The following TMCC1 variants were observed in gnomAD, a reference collection of about 807,000 sequenced individuals.
TMCC1 encodes the protein transmembrane and coiled-coil domain family 1, also known as transmembrane and coiled-coil domains protein 1.
A neutral mutation model predicts 52.4 loss-of-function variants in TMCC1; 15 were observed. The ratio of observed to expected loss-of-function variants is 0.29; its 90% CI spans 0.19 to 0.44. TMCC1 has a LOEUF of 0.44. TMCC1 is among the 20% of genes least tolerant of loss of function. The pLI is 1.00. For missense variants in TMCC1, 503 were observed against 806.0 expected (o/e 0.62, Z 4.55); for synonymous variants, 279 against 301.9 (o/e 0.92, Z 0.79).
rs146435902 is a variant in TMCC1, at chr3:129,693,102, T to C, written c.577-21838A>G. Among the ~76,000 whole-genome samples, 718 of 152,246 alleles carry C rather than the reference T, an allele frequency of 4.7e-3. 4 individuals carry two copies. Among genetic ancestry groups the C allele is most frequent in the Admixed American group, 9.4e-3 (143 of 15,292 alleles). The stretch of plus-strand genomic sequence containing the variant: ...AGTGAATTTGATTTGCCTTGTAAAA[T>C]ATACTACTGGGATGTGAAAAGAAGC... On this transcript the variant is annotated intron_variant, in intron 4 of 6. Coordinates refer to ENST00000393238, the MANE Select transcript of TMCC1 (RefSeq NM_001017395.5).
At chr3:129,773,401 G>A (rs2054772229) in intron 4 of TMCC1, among the ~76,000 whole-genome samples, 1 of 152,034 alleles carries the variant, frequency 6.6e-6, no homozygotes, top group African/African-American at 2.4e-5. Flanking sequence ...AAAGCTAGGG[G>A]GAAAAAAAGC....
chr3:129,691,518 T>C (rs1473871412), intron 4 of TMCC1, among the ~76,000 whole-genome samples: 3 of 151,516 alleles, frequency 2.0e-5, no homozygotes, highest in Non-Finnish European at 4.4e-5. Context: ...TGGTGGCTCA[T>C]GCCTGTAATC....
chr3:129,785,865 A>C (rs2055979294), intron 4 of TMCC1, among the ~76,000 whole-genome samples: 1 of 152,068 alleles, frequency 6.6e-6, no homozygotes, highest in African/African-American at 2.4e-5. Context: ...ATCCCAGAGA[A>C]AATGTAAATT....
intron 4 of TMCC1, 130 bp downstream of exon 4, chr3:129,827,673 G>C: frequency 9.1e-7 from 1 of 1,101,554 alleles, no homozygotes; most frequent in Non-Finnish European, 1.3e-6. Flanking sequence ...ATTTGAAAAG[G>C]GGAAAAATTC....
chr3:129,771,081 C>T (rs2054542276), intron 4 of TMCC1, among the ~76,000 whole-genome samples: 2 of 152,176 alleles, frequency 1.3e-5, no homozygotes, highest in Non-Finnish European at 2.9e-5. Flanking sequence ...TCTAATACTT[C>T]CTTATTTCTA....
At chr3:129,761,764 G>A (rs1246160848) in intron 4 of TMCC1, among the ~76,000 whole-genome samples, 1 of 152,112 alleles carries the variant, frequency 6.6e-6, no homozygotes, top group Non-Finnish European at 1.5e-5. Context: ...GCTGAGGCAG[G>A]CGGATCATCT....
At chr3:129,783,313 G>C (rs1051213195) in intron 4 of TMCC1, among the ~76,000 whole-genome samples, 7 of 152,158 alleles carry the variant, frequency 4.6e-5, no homozygotes, top group African/African-American at 1.7e-4. Flanking sequence ...AAATACTGAT[G>C]TTTATGCAGG....
intron 4 of TMCC1, among the ~76,000 whole-genome samples, chr3:129,774,050 T>C (rs764749460): frequency 1.5e-4 from 23 of 152,252 alleles, no homozygotes; most frequent in African/African-American, 5.5e-4. Context: ...ATAACAGTAA[T>C]GAGCATACCT....
At chr3:129,793,160 C>G (rs1375223833) in intron 4 of TMCC1, among the ~76,000 whole-genome samples, 2 of 151,640 alleles carry the variant, frequency 1.3e-5, no homozygotes, top group Non-Finnish European at 2.9e-5. Flanking sequence ...AATGTGGAGG[C>G]CTTCAAACAC....
At chr3:129,858,940 A>T (rs1385493585) in intron 2 of TMCC1, among the ~76,000 whole-genome samples, 3 of 152,212 alleles carry the variant, frequency 2.0e-5, no homozygotes, top group Non-Finnish European at 2.9e-5. Flanking sequence ...TAAATAAGTG[A>T]TTACCTTAGA....
In TMCC1 at chr3:129,684,091, T is replaced by G. The variant is rs150112260; in HGVS notation, c.577-12827A>C. On this transcript the variant is annotated intron_variant, in intron 4 of 6. Coordinates refer to ENST00000393238, the MANE Select transcript of TMCC1 (RefSeq NM_001017395.5). ...AGATCCTGGAAATAAATTAAGGATATCTATGACAAATTGTAAAAAATTGCT... is the reference window on the plus strand; with the variant it reads ...AGATCCTGGAAATAAATTAAGGATAGCTATGACAAATTGTAAAAAATTGCT... 1.1e-3 allele frequency among the ~76,000 whole-genome samples: 166 copies of G among 152,334 alleles called. 1 individual carries two copies. In the East Asian group the frequency reaches 0.023, roughly 21 times the overall value.
At chr3:129,833,166 T>C (rs886130333) in intron 2 of TMCC1, among the ~76,000 whole-genome samples, 2 of 152,156 alleles carry the variant, frequency 1.3e-5, no homozygotes, top group African/African-American at 4.8e-5. Context: ...ATTCTAATCT[T>C]AAAGTAACAT....
At chr3:129,723,368 T>C (rs1399966429) in intron 4 of TMCC1, among the ~76,000 whole-genome samples, 7 of 148,224 alleles carry the variant, frequency 4.7e-5, no homozygotes, top group Admixed American at 1.3e-4. Flanking sequence ...TTCTTTTTTT[T>C]TTTTTTTTTT....
intron 1 of TMCC1, among the ~76,000 whole-genome samples, chr3:129,888,761 AGAG>A (rs1351255671): frequency 1.3e-5 from 2 of 152,196 alleles, no homozygotes; most frequent in East Asian, 3.8e-4. Context: ...AGTAGGAAAG[AGAG>A]GAGGAAAGAG....
chr3:129,746,261 C>T (rs557691258), intron 4 of TMCC1, among the ~76,000 whole-genome samples: 18 of 152,100 alleles, frequency 1.2e-4, no homozygotes, highest in Admixed American at 8.5e-4. Context: ...ACCTCCACCC[C>T]CCAGCTTCAA....
chr3:129,893,607 CCCT>C lies in TMCC1; in HGVS notation c.-551_-549del, dbSNP rs1463591215. The C allele has an allele frequency of 6.6e-6, 1 of 152,112 alleles. No individual in the cohort carries two copies. The highest frequency in any genetic ancestry group is 2.4e-5 in the African/African-American group (1 of 41,282). The allele number at this position is 152,112 out of a possible 1,614,324, so 9.4% of individuals were successfully genotyped here. A position where few individuals can be genotyped will look rare whatever the true frequency, so the allele number is the denominator to read the frequency against. The stretch of plus-strand genomic sequence containing the variant: ...CGGTCCATCCCCCACAACCACCCCC[CCCT>C]CCCGACCCTCCCCCCGCGCCGCCTC... On this transcript the variant is annotated 5_prime_UTR_variant, in exon 1 of 7. Coordinates refer to ENST00000393238, the MANE Select transcript of TMCC1 (RefSeq NM_001017395.5).
chr3:129,803,792 C>T (rs1349401411), intron 4 of TMCC1, among the ~76,000 whole-genome samples: 1 of 151,956 alleles, frequency 6.6e-6, no homozygotes, highest in Non-Finnish European at 1.5e-5. Context: ...CTCATAATCA[C>T]ACAATGTGTG....
intron 4 of TMCC1, among the ~76,000 whole-genome samples, chr3:129,790,341 A>G (rs1193798126): frequency 1.3e-5 from 2 of 152,222 alleles, no homozygotes. Context: ...ATAAATGTTC[A>G]TATTTGTTTA....
At chr3:129,879,251 G>T (rs2061356639) in intron 2 of TMCC1, among the ~76,000 whole-genome samples, 1 of 152,088 alleles carries the variant, frequency 6.6e-6, no homozygotes, top group Non-Finnish European at 1.5e-5. Context: ...GACCAGCATG[G>T]GCAACATAGC....
Sources: gnomAD v4.1 joint callset for allele counts (sites outside exome capture counted in the v4.1 genomes callset) on GRCh38, gnomAD v4.1.1 for gene constraint, MANE v1.5 for transcripts, NCBI Gene and HGNC (gene_info 2026-07-23, HGNC 2026-07-21) for gene names.